The following TRIO variants were observed in gnomAD, a reference collection of about 807,000 sequenced individuals.
TRIO encodes triple functional domain protein.
TRIO carries 58 observed loss-of-function variants against 351.9 expected under a neutral mutation model. The observed-to-expected ratio is 0.16, with a 90% confidence interval of 0.13 to 0.21. The LOEUF is 0.21. TRIO is among the 10% of genes least tolerant of loss of function. TRIO has a pLI of 1.00. For synonymous variants in TRIO, 1,758 were observed against 1,595.7 expected (o/e 1.10, Z -2.42); for missense variants, 3,201 against 4,027.8 (o/e 0.79, Z 5.56).
chr5:14,312,616 C>G (rs1238874428), intron 8 of TRIO, among the ~76,000 whole-genome samples: 5 of 152,202 alleles, frequency 3.3e-5, no homozygotes, highest in Non-Finnish European at 7.3e-5. Context: ...CAGCTGTTGT[C>G]TCTTTGTGGC....
intron 33 of TRIO, among the ~76,000 whole-genome samples, chr5:14,417,968 C>T (rs1313587193): frequency 6.6e-6 from 1 of 152,096 alleles, no homozygotes; most frequent in East Asian, 1.9e-4. Context: ...GGTGACTGTG[C>T]CCAGCCCCAT....
chr5:14,269,152 A>G (rs1423303368), intron 1 of TRIO, among the ~76,000 whole-genome samples: 1 of 152,044 alleles, frequency 6.6e-6, no homozygotes, highest in African/African-American at 2.4e-5. Flanking sequence ...CCTTCCTAGG[A>G]CCTCATGGTC....
intron 21 of TRIO, among the ~76,000 whole-genome samples, chr5:14,385,752 A>AT (rs1746487960): frequency 6.6e-6 from 1 of 152,212 alleles, no homozygotes; most frequent in Non-Finnish European, 1.5e-5. Context: ...ATACTGAGAT[A>AT]TTTTTAAAGT....
Position 14,509,478 on chromosome 5 carries a change from T to G in TRIO, c.*1056T>G, listed in dbSNP as rs1561579619. The G allele has an allele frequency of 2.2e-6, 1 of 457,398 alleles. No homozygotes were observed. The highest frequency in any genetic ancestry group is 4.4e-6 in the Non-Finnish European group (1 of 228,060). The allele number at this position is 457,398 out of a possible 1,614,324, so 28.3% of individuals were successfully genotyped here. On this transcript the variant is annotated 3_prime_UTR_variant, in exon 57 of 57. Transcript: ENST00000344204. ...TGAAATTTGTTGGTTTTGAGGACTG[T>G]AAAAGTGATTTCATACTCTGAATAT...
At chr5:14,245,001 G>C (rs1017938264) in intron 1 of TRIO, among the ~76,000 whole-genome samples, 1 of 152,160 alleles carries the variant, frequency 6.6e-6, no homozygotes, top group Non-Finnish European at 1.5e-5. Flanking sequence ...CTTGAACATC[G>C]GGAGCTATGC....
intron 1 of TRIO, among the ~76,000 whole-genome samples, chr5:14,204,463 G>T (rs1791336955): frequency 6.6e-6 from 1 of 152,080 alleles, no homozygotes; most frequent in South Asian, 2.1e-4. Context: ...GACAAGCAAG[G>T]TCCTGGCACC....
At chr5:14,435,645 A>G (rs1419526450) in intron 34 of TRIO, among the ~76,000 whole-genome samples, 1 of 152,160 alleles carries the variant, frequency 6.6e-6, no homozygotes, top group Non-Finnish European at 1.5e-5. Context: ...GAATTCTTCT[A>G]TAAGAGCTGT....
chr5:14,486,291 T>C (rs1755909423), intron 47 of TRIO, among the ~76,000 whole-genome samples: 2 of 152,234 alleles, frequency 1.3e-5, no homozygotes, highest in South Asian at 4.1e-4. Flanking sequence ...TGTAATGTTC[T>C]CTGTCACAAG....
chr5:14,351,109 C>A (rs976560387), intron 11 of TRIO, among the ~76,000 whole-genome samples: 3 of 152,160 alleles, frequency 2.0e-5, no homozygotes, highest in Non-Finnish European at 4.4e-5. Context: ...CCTAACAAGC[C>A]ACAGATCAGT....
chr5:14,376,842 A>G (rs112169494), intron 19 of TRIO, among the ~76,000 whole-genome samples: 7,161 of 152,254 alleles, frequency 0.047, 247 homozygotes, highest in Middle Eastern at 0.071. Flanking sequence ...TTCTCCCTCC[A>G]TAATAGAGGA....
At chr5:14,345,495 TCAA>T (rs1317738189) in intron 11 of TRIO, among the ~76,000 whole-genome samples, 1 of 152,200 alleles carries the variant, frequency 6.6e-6, no homozygotes, top group Non-Finnish European at 1.5e-5. Context: ...GTGAGGCACT[TCAA>T]CACAAGGTCA....
rs968326060 is a variant in TRIO at position 14,508,485 on chromosome 5, A to G, written c.*63A>G. 1 of 1,519,130 alleles carries G rather than the reference A, an allele frequency of 6.6e-7. No individual in the cohort carries two copies. The highest frequency in any genetic ancestry group is 2.2e-5 in the Admixed American group (1 of 46,330). 94.1% of individuals were successfully genotyped at this position (1,519,130 alleles called of 1,614,324 possible). ...CAATCAGCTGTTAATCTGAATTTTCAAGAGAAAACAAGCAAACATAACTGA... is the reference window on the plus strand; with the variant it reads ...CAATCAGCTGTTAATCTGAATTTTCGAGAGAAAACAAGCAAACATAACTGA... On this transcript the variant is annotated 3_prime_UTR_variant, in exon 57 of 57. Transcript: ENST00000344204.
chr5:14,296,972 T>A (rs936354101), intron 6 of TRIO, 100 bp from the exon 7 acceptor site: 1 of 971,796 alleles, frequency 1.0e-6, no homozygotes, highest in East Asian at 2.5e-5. Context: ...GTGATCACTG[T>A]TAGAAGCCTG....
chr5:14,455,535 T>A (rs1007433751), intron 34 of TRIO, among the ~76,000 whole-genome samples: 1 of 151,668 alleles, frequency 6.6e-6, no homozygotes, highest in African/African-American at 2.4e-5. Context: ...TACAATCCTT[T>A]AGCTAGACAT....
chr5:14,488,822 C>T, intron 48 of TRIO: 2 of 661,408 alleles, frequency 3.0e-6, no homozygotes, highest in Non-Finnish European at 2.7e-6. Context: ...CGCTTTACGT[C>T]ACCGTGTTGC....
intron 1 of TRIO, among the ~76,000 whole-genome samples, chr5:14,227,788 T>C (rs1244424452): frequency 1.3e-5 from 2 of 152,230 alleles, no homozygotes; most frequent in African/African-American, 4.8e-5. Flanking sequence ...AGATATAAAA[T>C]TTAGGGAAAC....
chr5:14,265,945 A>G (rs1795644421), intron 1 of TRIO, among the ~76,000 whole-genome samples: 1 of 152,200 alleles, frequency 6.6e-6, no homozygotes, highest in East Asian at 1.9e-4. Context: ...AGAAAGTACT[A>G]AGGAATTTTG....
intron 8 of TRIO, among the ~76,000 whole-genome samples, chr5:14,314,872 C>T (rs956488210): frequency 4.7e-4 from 72 of 152,328 alleles, no homozygotes; most frequent in African/African-American, 1.6e-3. Context: ...GACACTAATT[C>T]AGCAGTTAAC....
At chr5:14,425,633 C>T (rs1453649320) in intron 34 of TRIO, among the ~76,000 whole-genome samples, 2 of 152,054 alleles carry the variant, frequency 1.3e-5, no homozygotes, top group African/African-American at 4.8e-5. Flanking sequence ...TTCCAAAATC[C>T]GTATGTTGAA....
Sources: allele counts gnomAD v4.1 joint callset (sites outside exome capture counted in the v4.1 genomes callset), GRCh38; gene constraint gnomAD v4.1.1; transcripts MANE v1.5; gene names NCBI Gene and HGNC (gene_info 2026-07-23, HGNC 2026-07-21).